SPNS3: variants seen among roughly 807,000 people sequenced by gnomAD.
SPNS3 encodes the protein protein spinster homolog 3.
Under a neutral mutation model 54.4 loss-of-function variants are expected in SPNS3, and 51 were observed. The ratio of observed to expected loss-of-function variants is 0.94; its 90% confidence interval spans 0.75 to 1.18. SPNS3 has a LOEUF of 1.18. SPNS3 is among the 50% of genes most tolerant of loss of function. The probability of loss-of-function intolerance (pLI) is 0.00; values close to 1 mark genes in which losing one functional copy is unlikely to be tolerated. For missense variants in SPNS3, 669 were observed against 677.4 expected, an observed-to-expected ratio of 0.99 and a Z score of 0.14; for synonymous variants, 309 against 294.7, an observed-to-expected ratio of 1.05 and a Z score of -0.50.
intron 8 of SPNS3, among the ~76,000 whole-genome samples, chr17:4,462,831 AT>A: frequency 7.0e-6 from 1 of 142,324 alleles, no homozygotes; most frequent in African/African-American, 2.6e-5. Flanking sequence ...CCATCCATCC[AT>A]CCATTCAACC....
chr17:4,465,512 G>A lies in SPNS3; in HGVS notation c.1113+12307G>A, dbSNP rs75692885. On this transcript the variant is annotated intron_variant, in intron 8 of 11. Coordinates refer to ENST00000355530, the MANE Select transcript of SPNS3 (RefSeq NM_182538.5). ...GGAGGCCGAGGCGGGAGGATTACCT[G>A]AGATGAGGAGTTCAAGACCAGCTTA... Among the ~76,000 whole-genome samples the A allele has an allele frequency of 5.7e-3, 861 of 152,134 alleles. 15 individuals are homozygous for A. The highest frequency in any genetic ancestry group is 0.019 in the African/African-American group (790 of 41,442).
At chr17:4,463,348 G>T (rs1191615588) in intron 8 of SPNS3, among the ~76,000 whole-genome samples, 1 of 143,762 alleles carries the variant, frequency 7.0e-6, no homozygotes, top group African/African-American at 2.6e-5. Flanking sequence ...AGTGAGCCGA[G>T]ATTGCGCCAC....
intron 8 of SPNS3, among the ~76,000 whole-genome samples, 168 bp from the exon 9 acceptor site, chr17:4,478,404 T>TAG (rs1972066931): frequency 6.6e-6 from 1 of 152,194 alleles, no homozygotes; most frequent in Middle Eastern, 3.2e-3. Context: ...CCGTCAAGGC[T>TAG]GCTGGAACTG....
At chr17:4,463,815 C>A (rs936935291) in intron 8 of SPNS3, among the ~76,000 whole-genome samples, 6 of 151,244 alleles carry the variant, frequency 4.0e-5, no homozygotes, top group Non-Finnish European at 8.8e-5. Flanking sequence ...ATTGTATGTA[C>A]AAATATATCT....
At chr17:4,487,760 C>T (rs1297333551) in intron 11 of SPNS3, 46 bp from the exon 12 acceptor site, 1 of 1,583,658 alleles carries the variant, frequency 6.3e-7, no homozygotes, top group Non-Finnish European at 8.7e-7. Flanking sequence ...GGTCCCAAAG[C>T]ACCTTCTGCA....
chr17:4,462,109 C>T (rs1296721549), intron 8 of SPNS3, among the ~76,000 whole-genome samples: 2 of 44 alleles, frequency 0.045, no homozygotes, highest in African/African-American at 0.1. Context: ...ATCCATCCAT[C>T]CATCCATCCA....
chr17:4,440,323 C>T (rs1970817401), intron 2 of SPNS3, among the ~76,000 whole-genome samples: 1 of 152,190 alleles, frequency 6.6e-6, no homozygotes. Context: ...TATCCACACA[C>T]CCACATGTGC....
chr17:4,458,378 CCTTT>C (rs1262828606), intron 8 of SPNS3, among the ~76,000 whole-genome samples: 2 of 117,492 alleles, frequency 1.7e-5, no homozygotes, highest in South Asian at 3.4e-4. Context: ...TCCCTCCCTC[CCTTT>C]CTTTCTTCTT....
At chr17:4,439,853 G>T in intron 2 of SPNS3, 130 bp downstream of exon 2, 1 of 786,310 alleles carries the variant, frequency 1.3e-6, no homozygotes, top group Admixed American at 2.3e-5. Flanking sequence ...GGTGGGGTAT[G>T]GGCCTGAGGG....
chr17:4,460,000 T>C (rs1262418093), intron 8 of SPNS3, among the ~76,000 whole-genome samples: 1 of 152,094 alleles, frequency 6.6e-6, no homozygotes, highest in East Asian at 1.9e-4. Flanking sequence ...AGGTAGTTGT[T>C]GAATAAAGAC....
At chr17:4,437,800 T>C (rs1174263330) in intron 1 of SPNS3, among the ~76,000 whole-genome samples, 1 of 151,682 alleles carries the variant, frequency 6.6e-6, no homozygotes, top group Non-Finnish European at 1.5e-5. Flanking sequence ...TTTTTTTTTT[T>C]TTTGGAGACG....
intron 1 of SPNS3, 134 bp downstream of exon 1, chr17:4,434,300 G>A: frequency 1.2e-6 from 1 of 853,380 alleles, no homozygotes; most frequent in South Asian, 1.9e-5. Flanking sequence ...CTCACCTCTA[G>A]AGGTGGTTTT....
chr17:4,449,173 G>A, intron 6 of SPNS3, 62 bp from the exon 7 acceptor site: 6 of 1,563,518 alleles, frequency 3.8e-6, no homozygotes, highest in Non-Finnish European at 5.2e-6. Flanking sequence ...GTGGGGAGGA[G>A]TGGACAGGCC....
intron 8 of SPNS3, among the ~76,000 whole-genome samples, chr17:4,477,970 CTTTTTTTTTTT>C (rs397837193): frequency 1.0e-5 from 1 of 97,620 alleles, no homozygotes. Flanking sequence ...TTCACTTTTC[CTTTTTTTTTTT>C]TTTTTTTTGA....
Position 4,439,641 on chromosome 17 carries a change from T to C in SPNS3, c.200-17T>C. The C allele has an allele frequency of 6.2e-7, 1 of 1,611,122 alleles. No homozygotes were observed. The highest frequency in any genetic ancestry group is 8.5e-7 in the Non-Finnish European group (1 of 1,178,708). On this transcript the variant is annotated splice_polypyrimidine_tract_variant and intron_variant, in intron 1 of 11. Coordinates refer to ENST00000355530, the MANE Select transcript of SPNS3 (RefSeq NM_182538.5). Reference sequence around the variant, plus strand: ...GGGCTACTTCCCGTTTCCTGAGCACTGTCCCTCTGTCTGCAGGAGTGCTGC... The same window carrying C: ...GGGCTACTTCCCGTTTCCTGAGCACCGTCCCTCTGTCTGCAGGAGTGCTGC...
intron 7 of SPNS3, among the ~76,000 whole-genome samples, 167 bp downstream of exon 7, chr17:4,449,554 G>A (rs1971103415): frequency 6.6e-6 from 1 of 152,122 alleles, no homozygotes; most frequent in East Asian, 1.9e-4. Context: ...CCTGGCTCTG[G>A]CTCTGGCTGA....
At chr17:4,471,932 C>G (rs1479543414) in intron 8 of SPNS3, among the ~76,000 whole-genome samples, 6 of 152,096 alleles carry the variant, frequency 3.9e-5, no homozygotes, top group African/African-American at 1.4e-4. Context: ...AATCTCAGCT[C>G]TCTGCAACCT....
In SPNS3 at chr17:4,487,924, A is replaced by C; in HGVS notation, c.*30A>C. 1.3e-6 allele frequency: 2 copies of C among 1,599,886 alleles called. No individual in the cohort carries two copies. The highest frequency in any genetic ancestry group is 1.7e-6 in the Non-Finnish European group (2 of 1,167,440). On this transcript the variant is annotated 3_prime_UTR_variant, in exon 12 of 12. Coordinates refer to ENST00000355530, the MANE Select transcript of SPNS3 (RefSeq NM_182538.5). Reference sequence around the variant, plus strand: ...CCTGCCTACACTCGTCCTGCCTGCAAGCCTCCCGTTGGTCCCCACAGCAGC... The same window carrying C: ...CCTGCCTACACTCGTCCTGCCTGCACGCCTCCCGTTGGTCCCCACAGCAGC...
intron 9 of SPNS3, among the ~76,000 whole-genome samples, chr17:4,485,935 C>T (rs1283600502): frequency 6.6e-6 from 1 of 152,266 alleles, no homozygotes; most frequent in Non-Finnish European, 1.5e-5. Context: ...GCCTCATTCA[C>T]TGTGGTCACA....
Sources: gnomAD v4.1 joint callset for allele counts (sites outside exome capture counted in the v4.1 genomes callset) on GRCh38, gnomAD v4.1.1 for gene constraint, MANE v1.5 for transcripts, NCBI Gene and HGNC (gene_info 2026-07-23, HGNC 2026-07-21) for gene names.